The following LAMA2 variants were observed in gnomAD, a reference collection of about 807,000 sequenced individuals.
LAMA2 encodes the protein laminin subunit alpha 2.
LAMA2 carries 269 observed loss-of-function variants against 364.8 expected under a neutral mutation model. The ratio of observed to expected loss-of-function variants is 0.74; its 90% CI spans 0.67 to 0.82. The LOEUF (loss-of-function observed/expected upper bound fraction) is 0.82. LAMA2 is among the 40% of genes least tolerant of loss of function. The probability of loss-of-function intolerance (pLI) is 0.00; values close to 1 mark genes in which losing one functional copy is unlikely to be tolerated. For missense variants in LAMA2, 3,807 were observed against 3,873.2 expected (o/e 0.98, Z 0.45); for synonymous variants, 1,379 against 1,370.6 (o/e 1.01, Z -0.14).
At chr6:129,283,343 C>A (rs898207079) in intron 18 of LAMA2, among the ~76,000 whole-genome samples, 30 of 152,020 alleles carry the variant, frequency 2.0e-4, no homozygotes, top group African/African-American at 7.2e-4. Flanking sequence ...GCTGAGGATA[C>A]CTGCCTGATC....
intron 3 of LAMA2, among the ~76,000 whole-genome samples, chr6:129,060,969 A>G (rs1294255702): frequency 6.6e-6 from 1 of 152,128 alleles, no homozygotes; most frequent in Admixed American, 6.6e-5. Context: ...GCATGGACTT[A>G]TTTCTACCCT....
intron 12 of LAMA2, among the ~76,000 whole-genome samples, chr6:129,219,208 C>A (rs1207674491): frequency 6.6e-6 from 1 of 151,850 alleles, no homozygotes; most frequent in Non-Finnish European, 1.5e-5. Flanking sequence ...TTTATGCAGC[C>A]AAAAAACACA....
rs78179326 is a variant in LAMA2, at chr6:129,164,777, A to G, written c.1207-799A>G. Among the ~76,000 whole-genome samples, 3 of 152,180 alleles carry G rather than the reference A, an allele frequency of 2.0e-5. No homozygotes were observed. In the East Asian group the frequency reaches 5.8e-4, roughly 29 times the overall value. ...TCCTGAGTGAATATACAATAAAGGG[A>G]TCAGTTAAGGCTGGGAAGGGTATTG... On this transcript the variant is annotated intron_variant, in intron 8 of 64. Transcript: ENST00000421865.
chr6:129,401,595 A>G (rs1315478516), intron 38 of LAMA2, among the ~76,000 whole-genome samples: 1 of 152,216 alleles, frequency 6.6e-6, no homozygotes, highest in African/African-American at 2.4e-5. Context: ...GCGATGAAGG[A>G]CATTTCTTGT....
chr6:128,918,970 G>A (rs1778524619), intron 1 of LAMA2, among the ~76,000 whole-genome samples: 1 of 152,122 alleles, frequency 6.6e-6, no homozygotes, highest in Non-Finnish European at 1.5e-5. Context: ...TATTGTGATT[G>A]TTTCAAATAG....
intron 1 of LAMA2, among the ~76,000 whole-genome samples, chr6:128,892,182 C>T (rs1776493293): frequency 6.6e-6 from 1 of 151,906 alleles, no homozygotes; most frequent in African/African-American, 2.4e-5. Context: ...TTTGAGGAGA[C>T]CCTAAGAGAC....
At chr6:129,304,224 A>G (rs1773725060) in intron 22 of LAMA2, among the ~76,000 whole-genome samples, 1 of 152,122 alleles carries the variant, frequency 6.6e-6, no homozygotes, top group African/African-American at 2.4e-5. Context: ...TCTTTTGCTT[A>G]CTTTGAGTTT....
At chr6:129,477,475 T>C (rs1222699322) in intron 53 of LAMA2, among the ~76,000 whole-genome samples, 1 of 152,188 alleles carries the variant, frequency 6.6e-6, no homozygotes, top group African/African-American at 2.4e-5. Context: ...GTAGGTACTA[T>C]GATTATTATT....
chr6:129,111,312 T>G (rs952518044), intron 4 of LAMA2, among the ~76,000 whole-genome samples: 2 of 152,028 alleles, frequency 1.3e-5, no homozygotes, highest in African/African-American at 4.8e-5. Flanking sequence ...ACATAAGACA[T>G]GTAATTTAAA....
chr6:128,929,059 G>A, intron 1 of LAMA2: 2 of 1,448,734 alleles, frequency 1.4e-6, no homozygotes, highest in East Asian at 4.6e-5. Flanking sequence ...GCTGTGGATA[G>A]TGGCTAATGT....
rs1491387157 is a variant in LAMA2 at position 129,330,591 on chromosome 6, G to GTTTT, written c.4311+2179_4311+2180insTTTT. Among the ~76,000 whole-genome samples, 400 of 83,708 alleles carry GTTTT rather than the reference G, an allele frequency of 4.8e-3. 31 individuals carry two copies. The highest frequency in any genetic ancestry group is 6.7e-3 in the Admixed American group (44 of 6,608). 54.9% of individuals were successfully genotyped at this position (83,708 alleles called of 152,430 possible). A position where few individuals can be genotyped will look rare whatever the true frequency, so the allele number is the denominator to read the frequency against. ...TTGAAGCGTTTTTTTGTTGTTGTTT[G>GTTTT]GTTTTTGTTTTTTTTTTTTTTTTTC... is the stretch of plus-strand genomic sequence containing the variant. On this transcript the variant is annotated intron_variant, in intron 29 of 64. Transcript: ENST00000421865.
chr6:129,462,511 C>T (rs1368752943), intron 49 of LAMA2, among the ~76,000 whole-genome samples: 2 of 151,998 alleles, frequency 1.3e-5, no homozygotes, highest in Non-Finnish European at 2.9e-5. Context: ...TGTCATCAAA[C>T]TATATTCACA....
At chr6:128,940,349 A>G (rs186374275) in intron 1 of LAMA2, among the ~76,000 whole-genome samples, 1 of 152,284 alleles carries the variant, frequency 6.6e-6, no homozygotes, top group East Asian at 1.9e-4. Context: ...TGCAATTATA[A>G]TTATTGACCC....
chr6:129,179,587 T>C (rs1430278658), intron 10 of LAMA2, among the ~76,000 whole-genome samples: 1 of 152,122 alleles, frequency 6.6e-6, no homozygotes, highest in Non-Finnish European at 1.5e-5. Flanking sequence ...ATTATTATAA[T>C]CCTAATAAGA....
chr6:128,980,226 A>G (rs1263472005), intron 1 of LAMA2, among the ~76,000 whole-genome samples: 2 of 152,228 alleles, frequency 1.3e-5, no homozygotes, highest in Non-Finnish European at 2.9e-5. Context: ...TACTCTCTAT[A>G]TCAATATCAC....
At chr6:129,317,822 T>C (rs1208421312) in intron 27 of LAMA2, among the ~76,000 whole-genome samples, 1 of 152,122 alleles carries the variant, frequency 6.6e-6, no homozygotes, top group Non-Finnish European at 1.5e-5. Context: ...ATAGAAACAA[T>C]ATTGTCATTC....
rs776531251 is a variant in LAMA2 at position 129,291,646 on chromosome 6, G to A, written c.2782G>A (p.Glu928Lys). The A allele has an allele frequency of 6.8e-6, 11 of 1,614,022 alleles. No homozygotes were observed. Among genetic ancestry groups the A allele is most frequent in the Middle Eastern group, 1.6e-4 (1 of 6,062 alleles). ...CTGTAATGCCGGTGGCTCTTTCTCTGAGGTTTGCCACAGTCAAACTGGACA... is the reference window on the plus strand; with the variant it reads ...CTGTAATGCCGGTGGCTCTTTCTCTAAGGTTTGCCACAGTCAAACTGGACA... ...CRCNAGGSFSEVCHSQTGQCE... is the reference protein window; with the variant it reads ...CRCNAGGSFSKVCHSQTGQCE... The change falls in exon 20 of 65, where the codon GAG becomes AAG. Residue 928 changes from glutamate to lysine, a missense_variant. By Grantham distance (56) the Glu-to-Lys change is moderately conservative. Transcript: ENST00000421865.
chr6:129,214,643 CTT>C (rs909259038), intron 12 of LAMA2, among the ~76,000 whole-genome samples: 3 of 152,144 alleles, frequency 2.0e-5, no homozygotes, highest in Non-Finnish European at 2.9e-5. Context: ...ATCTAAGTGA[CTT>C]TTTTCTGACC....
intron 35 of LAMA2, among the ~76,000 whole-genome samples, chr6:129,384,587 A>T (rs1262790300): frequency 6.6e-6 from 1 of 152,130 alleles, no homozygotes; most frequent in Non-Finnish European, 1.5e-5. Flanking sequence ...ATGCATATTC[A>T]TGGTTACCTC....
Sources: allele counts gnomAD v4.1 joint callset (sites outside exome capture counted in the v4.1 genomes callset), GRCh38; gene constraint gnomAD v4.1.1; transcripts MANE v1.5; gene names NCBI Gene and HGNC (gene_info 2026-07-23, HGNC 2026-07-21).